Variants in TLE1 observed in about 807,000 individuals in gnomAD.
TLE1 encodes TLE family member 1, transcriptional corepressor.
TLE1 carries 21 observed loss-of-function variants against 89.8 expected under a neutral mutation model. That is an observed-to-expected ratio of 0.23 (90% confidence interval 0.17 to 0.34). The LOEUF is 0.34. Among genes scored for constraint, TLE1 ranks in the 10% least tolerant of loss-of-function variants. The pLI, the probability that TLE1 is intolerant of heterozygous loss-of-function variation, is 1.00. For missense variants in TLE1, 795 were observed against 1,031.2 expected (o/e 0.77, Z 3.14); for synonymous variants, 447 against 407.6 (o/e 1.10, Z -1.16).
At chr9:81,622,814 A>C (rs998680281) in intron 8 of TLE1, among the ~76,000 whole-genome samples, 6 of 152,090 alleles carry the variant, frequency 3.9e-5, no homozygotes, top group Non-Finnish European at 1.5e-5. Flanking sequence ...TGTAAAACTG[A>C]CTCAAAACAA....
At chr9:81,681,909 T>C (rs1833678830) in intron 4 of TLE1, among the ~76,000 whole-genome samples, 1 of 151,984 alleles carries the variant, frequency 6.6e-6, no homozygotes, top group African/African-American at 2.4e-5. Context: ...TAGGGAGACA[T>C]GGTCCACCTC....
At chr9:81,600,673 A>C (rs2131931858) in intron 14 of TLE1, among the ~76,000 whole-genome samples, 1 of 151,794 alleles carries the variant, frequency 6.6e-6, no homozygotes, top group South Asian at 2.1e-4. Flanking sequence ...GTGATGGTCA[A>C]TTTTATATGT....
chr9:81,620,408 A>C (rs1165587030), intron 9 of TLE1, 33 bp downstream of exon 9: 1 of 1,537,794 alleles, frequency 6.5e-7, no homozygotes, highest in Non-Finnish European at 9.0e-7. Context: ...CAGTAAGCAA[A>C]CAAATATTAT....
intron 14 of TLE1, among the ~76,000 whole-genome samples, chr9:81,604,380 CGACA>C (rs1322257052): frequency 2.0e-5 from 3 of 152,200 alleles, no homozygotes; most frequent in South Asian, 2.1e-4. Context: ...AGGGCTGAAG[CGACA>C]GACAAATTCT....
chr9:81,627,624 G>C (rs1329141386), intron 8 of TLE1, among the ~76,000 whole-genome samples: 1 of 152,158 alleles, frequency 6.6e-6, no homozygotes, highest in Non-Finnish European at 1.5e-5. Flanking sequence ...GAAAACCTAA[G>C]TGTTTTCCAT....
At chr9:81,595,025 G>A (rs982596283) in intron 14 of TLE1, among the ~76,000 whole-genome samples, 7 of 152,122 alleles carry the variant, frequency 4.6e-5, no homozygotes, top group Non-Finnish European at 7.3e-5. Flanking sequence ...GTAACTAATA[G>A]TAAATAGCTT....
chr9:81,612,069 G>C (rs1160177291), intron 12 of TLE1, 110 bp from the exon 13 acceptor site: 1 of 900,504 alleles, frequency 1.1e-6, no homozygotes, highest in Non-Finnish European at 1.5e-6. Context: ...GAGAGAAAGA[G>C]GTAAGGCTTC....
chr9:81,590,211 G>A (rs73650843), intron 16 of TLE1, among the ~76,000 whole-genome samples: 4,258 of 152,326 alleles, frequency 0.028, 201 homozygotes, highest in African/African-American at 0.096. Flanking sequence ...GGGAGCTGAG[G>A]AGAGACACAT....
At chr9:81,687,480 G>A (rs966715324) in intron 1 of TLE1, 46 bp from the exon 2 acceptor site, 2 of 1,453,010 alleles carry the variant, frequency 1.4e-6, no homozygotes, top group East Asian at 2.3e-5. Flanking sequence ...AATGCGGGCG[G>A]ATGAATAAAG....
chr9:81,664,533 ATAAC>A (rs1374280713), intron 4 of TLE1, among the ~76,000 whole-genome samples: 9 of 152,122 alleles, frequency 5.9e-5, no homozygotes, highest in Non-Finnish European at 1.2e-4. Context: ...TGCCGATAAA[ATAAC>A]TAATCACATT....
intron 8 of TLE1, among the ~76,000 whole-genome samples, chr9:81,623,456 C>T (rs1012902698): frequency 6.6e-6 from 1 of 151,972 alleles, no homozygotes; most frequent in African/African-American, 2.4e-5. Context: ...AAGAATGAAA[C>T]AGAGGTTGCT....
chr9:81,685,526 T>A, intron 4 of TLE1, 150 bp downstream of exon 4: 1 of 681,076 alleles, frequency 1.5e-6, no homozygotes, highest in East Asian at 2.7e-5. Context: ...TGATGCAGAA[T>A]ACTACCATCA....
chr9:81,682,596 G>A (rs1444063597), intron 4 of TLE1, among the ~76,000 whole-genome samples: 1 of 152,126 alleles, frequency 6.6e-6, no homozygotes, highest in Non-Finnish European at 1.5e-5. Flanking sequence ...ATCAAATGAG[G>A]TAATATCAAA....
At position 81,652,116 on chromosome 9, in the gene TLE1, C is replaced by A. The variant is rs1191833987; in HGVS notation, c.372+98G>T. 3.4e-5 allele frequency: 39 copies of A among 1,142,038 alleles called. No individual in the cohort carries two copies. In the Admixed American group the frequency reaches 6.8e-4, roughly 20 times the overall value. The allele number at this position is 1,142,038 out of a possible 1,614,324, so 70.7% of individuals were successfully genotyped here. A position where few individuals can be genotyped will look rare whatever the true frequency, so the allele number is the denominator to read the frequency against. ...AGGTCAACGTTAAGATACACACACACACACACACACACACACACACACGTA... is the reference window on the plus strand; with the variant it reads ...AGGTCAACGTTAAGATACACACACAAACACACACACACACACACACACGTA... On this transcript the variant is annotated intron_variant, in intron 6 of 19. Coordinates refer to ENST00000376499, the MANE Select transcript of TLE1 (RefSeq NM_005077.5).
chr9:81,629,802 G>C (rs984256530), intron 8 of TLE1, among the ~76,000 whole-genome samples: 2 of 152,142 alleles, frequency 1.3e-5, no homozygotes, highest in African/African-American at 4.8e-5. Flanking sequence ...AAAAGGTACA[G>C]TAAAAATACG....
chr9:81,684,657 G>A (rs1834035600), intron 4 of TLE1, among the ~76,000 whole-genome samples: 1 of 152,194 alleles, frequency 6.6e-6, no homozygotes, highest in Non-Finnish European at 1.5e-5. Context: ...AAGGGTTTGA[G>A]ATGAAATAGC....
At chr9:81,608,335 A>T (rs983786181) in intron 14 of TLE1, among the ~76,000 whole-genome samples, 12 of 152,062 alleles carry the variant, frequency 7.9e-5, no homozygotes, top group African/African-American at 2.9e-4. Context: ...ACATAGGGAG[A>T]CCCTGTCACT....
chr9:81,668,840 A>G (rs550378199), intron 4 of TLE1, among the ~76,000 whole-genome samples: 1 of 152,358 alleles, frequency 6.6e-6, no homozygotes, highest in Admixed American at 6.5e-5. Flanking sequence ...TAATGGAAAC[A>G]AGAACAATTT....
Position 81,688,271 on chromosome 9 carries a change from C to T in TLE1, c.-31G>A, listed in dbSNP as rs1564094683. ...TGGCGGCGGCCGGGGCTCTGTTCCC[C>T]GGCAACTCAATTCTCCGGTCAATTT... On this transcript the variant is annotated 5_prime_UTR_variant, in exon 1 of 20. Coordinates refer to ENST00000376499, the MANE Select transcript of TLE1 (RefSeq NM_005077.5). The T allele has an allele frequency of 1.9e-6, 3 of 1,554,168 alleles. No homozygotes were observed. Among genetic ancestry groups the T allele is most frequent in the East Asian group, 2.6e-5 (1 of 38,766 alleles).
Sources: allele counts gnomAD v4.1 joint callset (sites outside exome capture counted in the v4.1 genomes callset), GRCh38; gene constraint gnomAD v4.1.1; transcripts MANE v1.5; gene names NCBI Gene and HGNC (gene_info 2026-07-23, HGNC 2026-07-21).